The following ETS1 variants were observed in gnomAD, a reference collection of about 807,000 sequenced individuals.
The protein encoded by ETS1 is ETS proto-oncogene 1, transcription factor, also known as protein C-ets-1.
In ETS1, 15 loss-of-function variants were observed where a neutral mutation model predicts 58.6. The observed-to-expected ratio is 0.26, with a 90% CI of 0.17 to 0.39. The LOEUF (loss-of-function observed/expected upper bound fraction) is 0.39. Among genes scored for constraint, ETS1 ranks in the 10% least tolerant of loss-of-function variants. ETS1 has a pLI of 1.00. For missense variants in ETS1, 417 were observed against 610.5 expected (o/e 0.68, Z 3.34); for synonymous variants, 214 against 218.2 (o/e 0.98, Z 0.17).
intron 3 of ETS1, among the ~76,000 whole-genome samples, chr11:128,530,571 G>C (rs1863881055): frequency 6.6e-6 from 1 of 152,092 alleles, no homozygotes; most frequent in Non-Finnish European, 1.5e-5. Context: ...AGAAACATGT[G>C]TTCTCCCCAG....
chr11:128,529,644 C>T (rs1031386940), intron 3 of ETS1, among the ~76,000 whole-genome samples: 3 of 152,178 alleles, frequency 2.0e-5, no homozygotes, highest in African/African-American at 7.2e-5. Context: ...TATTTTACAT[C>T]ACTTCTTCCA....
chr11:128,506,109 G>C (rs1285557217), intron 3 of ETS1, among the ~76,000 whole-genome samples: 2 of 152,126 alleles, frequency 1.3e-5, no homozygotes, highest in Non-Finnish European at 2.9e-5. Context: ...CATCCCAGCT[G>C]GACAGCATTC....
At chr11:128,573,016 G>A in intron 2 of ETS1, 46 bp downstream of exon 2, 1 of 1,483,002 alleles carries the variant, frequency 6.7e-7, no homozygotes, top group Non-Finnish European at 9.3e-7. Context: ...AGGAGGAGGG[G>A]AGAAGATTGT....
At chr11:128,500,946 T>A (rs777220767) in intron 3 of ETS1, among the ~76,000 whole-genome samples, 21 of 152,234 alleles carry the variant, frequency 1.4e-4, no homozygotes, top group Non-Finnish European at 2.6e-4. Context: ...ATTTCACTTA[T>A]AAGCCAAAAT....
chr11:128,531,545 A>G (rs1348010341), intron 3 of ETS1, among the ~76,000 whole-genome samples: 3 of 152,232 alleles, frequency 2.0e-5, no homozygotes, highest in Non-Finnish European at 4.4e-5. Flanking sequence ...AGTGACAAAG[A>G]TAAGTTTTGG....
chr11:128,528,733 A>C (rs1179553716), intron 3 of ETS1, among the ~76,000 whole-genome samples: 6 of 152,216 alleles, frequency 3.9e-5, no homozygotes, highest in Non-Finnish European at 8.8e-5. Flanking sequence ...TTCGGTCTGA[A>C]GTGAGACTCA....
At position 128,463,857 on chromosome 11, in the gene ETS1, T is replaced by G. The variant is rs1227079505; in HGVS notation, c.1124-230A>C. 3.1e-6 allele frequency: 1 copy of G among 325,500 alleles called. No individual in the cohort carries two copies. The highest frequency in any genetic ancestry group is 4.7e-5 in the Admixed American group (1 of 21,420). 20.2% of individuals were successfully genotyped at this position (325,500 alleles called of 1,614,324 possible). ...CATGGAAGAAAATGTGTCAAGTGCT[T>G]TATTTTGATTAACTTAAGGATCGGT... On this transcript the variant is annotated intron_variant, in intron 8 of 9. Transcript: ENST00000392668. The surrounding 1 kb of genome is among the most constrained non-coding windows in gnomAD (Gnocchi z 4.1).
At chr11:128,521,820 C>G (rs1863679545) in intron 3 of ETS1, 1 of 1,003,086 alleles carries the variant, frequency 1.0e-6, no homozygotes, top group Non-Finnish European at 1.5e-6. Context: ...AAATGCACCG[C>G]CCAGAAGGGA....
At chr11:128,516,995 A>C (rs1863542701) in intron 3 of ETS1, among the ~76,000 whole-genome samples, 1 of 152,214 alleles carries the variant, frequency 6.6e-6, no homozygotes. Flanking sequence ...TACCTGTGAG[A>C]GAGCCAAGGC....
intron 4 of ETS1, among the ~76,000 whole-genome samples, 186 bp from the exon 5 acceptor site, chr11:128,489,676 T>A (rs12277632): frequency 0.051 from 7,707 of 152,158 alleles, 648 homozygotes; most frequent in African/African-American, 0.17. Flanking sequence ...ATATTCAACA[T>A]CTCCGCCTTC....
intron 3 of ETS1, among the ~76,000 whole-genome samples, chr11:128,547,605 G>A (rs945579610): frequency 6.6e-6 from 1 of 151,474 alleles, no homozygotes; most frequent in African/African-American, 2.4e-5. Context: ...AAAGACTGAT[G>A]ACACAACTTT....
At chr11:128,503,911 A>C (rs1313231430) in intron 3 of ETS1, among the ~76,000 whole-genome samples, 1 of 152,224 alleles carries the variant, frequency 6.6e-6, no homozygotes, top group Non-Finnish European at 1.5e-5. Context: ...ACAGGCTCCA[A>C]AAAATACCAG....
At chr11:128,484,657 C>T (rs1276160313) in intron 7 of ETS1, among the ~76,000 whole-genome samples, 166 bp downstream of exon 7, 1 of 151,808 alleles carries the variant, frequency 6.6e-6, no homozygotes, top group Admixed American at 6.6e-5. Flanking sequence ...GCTAAAACAC[C>T]ACGATGGAAA....
At chr11:128,579,928 C>T (rs1464330652) in intron 1 of ETS1, among the ~76,000 whole-genome samples, 1 of 152,008 alleles carries the variant, frequency 6.6e-6, no homozygotes, top group Non-Finnish European at 1.5e-5. Flanking sequence ...TGATGCCCCT[C>T]CATGGGATTT....
chr11:128,473,941 C>T (rs1236759871), intron 8 of ETS1, among the ~76,000 whole-genome samples: 2 of 152,218 alleles, frequency 1.3e-5, no homozygotes, highest in African/African-American at 2.4e-5. Flanking sequence ...CTCAGCAGCA[C>T]GCTGGCTGCA....
In ETS1 at chr11:128,491,797, C is replaced by T. The variant is rs908912891; in HGVS notation, c.215-1221G>A. ...AAGTCAACTTGAAGTGCATACAGGA[C>T]GAAAAATCTATAAAGCTTGGTTAGT... On this transcript the variant is annotated intron_variant, in intron 3 of 9. Coordinates refer to ENST00000392668, the MANE Select transcript of ETS1 (RefSeq NM_001143820.2). 3.3e-5 allele frequency among the ~76,000 whole-genome samples: 5 copies of T among 152,146 alleles called. No individual in the cohort carries two copies. In the East Asian group the frequency reaches 5.8e-4, roughly 18 times the overall value.
chr11:128,512,196 T>C (rs1296053331), intron 3 of ETS1, among the ~76,000 whole-genome samples: 2 of 152,322 alleles, frequency 1.3e-5, no homozygotes, highest in South Asian at 4.1e-4. Context: ...AGTTTCTTCA[T>C]CTATGAAATG....
chr11:128,559,536 C>A (rs1864371541), intron 2 of ETS1, among the ~76,000 whole-genome samples: 1 of 152,166 alleles, frequency 6.6e-6, no homozygotes, highest in South Asian at 2.1e-4. Context: ...GGCATAGTTC[C>A]TCTGTAACTG....
intron 2 of ETS1, among the ~76,000 whole-genome samples, chr11:128,566,625 T>C (rs1864504004): frequency 6.6e-6 from 1 of 151,700 alleles, no homozygotes; most frequent in Non-Finnish European, 1.5e-5. Context: ...CTACTAAAAA[T>C]ACAAAAAATT....
Sources: gnomAD v4.1 joint callset for allele counts (sites outside exome capture counted in the v4.1 genomes callset) on GRCh38, gnomAD v4.1.1 for gene constraint, Gnocchi (gnomAD v3.1) non-coding constraint, MANE v1.5 for transcripts, NCBI Gene and HGNC (gene_info 2026-07-23, HGNC 2026-07-21) for gene names.